Variants in HECW2 observed in about 807,000 individuals in gnomAD.
The protein encoded by HECW2 is HECT, C2 and WW domain containing E3 ubiquitin protein ligase 2, also known as E3 ubiquitin-protein ligase HECW2.
HECW2 carries 61 observed loss-of-function variants against 175.2 expected under a neutral mutation model. The ratio of observed to expected loss-of-function variants is 0.35; its 90% CI spans 0.28 to 0.43. HECW2 has a LOEUF of 0.43. Among genes scored for constraint, HECW2 ranks in the 20% least tolerant of loss-of-function variants. The probability of loss-of-function intolerance (pLI) is 1.00; values close to 1 mark genes in which losing one functional copy is unlikely to be tolerated. For synonymous variants in HECW2, 671 were observed against 731.0 expected (o/e 0.92, Z 1.32); for missense variants, 1,524 against 2,000.5 (o/e 0.76, Z 4.54).
At chr2:196,372,441 A>G (rs1693933563) in intron 2 of HECW2, among the ~76,000 whole-genome samples, 1 of 152,186 alleles carries the variant, frequency 6.6e-6, no homozygotes, top group Admixed American at 6.5e-5. Context: ...GGTCCCCTAC[A>G]GTTTCTACTT....
intron 1 of HECW2, among the ~76,000 whole-genome samples, chr2:196,554,243 G>A (rs1689714061): frequency 6.6e-6 from 1 of 151,932 alleles, no homozygotes; most frequent in Non-Finnish European, 1.5e-5. Context: ...GGAGAATGGC[G>A]TGAACCCGGA....
chr2:196,378,564 T>A (rs772452034), intron 2 of HECW2, among the ~76,000 whole-genome samples: 4 of 152,200 alleles, frequency 2.6e-5, no homozygotes, highest in Non-Finnish European at 4.4e-5. Flanking sequence ...AAAGTAAAAC[T>A]CATTAGTCAC....
At chr2:196,279,436 T>A (rs1276906685) in intron 14 of HECW2, among the ~76,000 whole-genome samples, 1 of 152,140 alleles carries the variant, frequency 6.6e-6, no homozygotes, top group Non-Finnish European at 1.5e-5. Context: ...CACTGTAGTG[T>A]CCTCTATTTG....
chr2:196,282,822 A>AC (rs551530957), intron 14 of HECW2, among the ~76,000 whole-genome samples: 43 of 151,830 alleles, frequency 2.8e-4, no homozygotes, highest in South Asian at 6.3e-4. Flanking sequence ...GGCATATCCA[A>AC]CCCCCCACTT....
At chr2:196,369,580 C>A (rs1693850572) in intron 2 of HECW2, among the ~76,000 whole-genome samples, 1 of 152,108 alleles carries the variant, frequency 6.6e-6, no homozygotes, top group Admixed American at 6.5e-5. Flanking sequence ...CATAACAAAG[C>A]TAGCCAAGCT....
chr2:196,380,231 G>C (rs1400279901), intron 2 of HECW2, among the ~76,000 whole-genome samples: 2 of 152,192 alleles, frequency 1.3e-5, no homozygotes, highest in Non-Finnish European at 2.9e-5. Flanking sequence ...TTGCTGATGG[G>C]CTGTGTGTGT....
intron 2 of HECW2, among the ~76,000 whole-genome samples, chr2:196,379,411 C>T (rs920841150): frequency 8.5e-5 from 13 of 152,150 alleles, no homozygotes; most frequent in Admixed American, 2.0e-4. Flanking sequence ...CTTGGCTGGG[C>T]GTGGTGGCTC....
intron 1 of HECW2, among the ~76,000 whole-genome samples, chr2:196,581,869 A>G (rs1690797517): frequency 6.6e-6 from 1 of 152,050 alleles, no homozygotes; most frequent in African/African-American, 2.4e-5. Context: ...GATTGAGACC[A>G]TCCTGGCTAA....
intron 2 of HECW2, among the ~76,000 whole-genome samples, chr2:196,380,125 G>A (rs1263765318): frequency 6.6e-6 from 1 of 152,168 alleles, no homozygotes; most frequent in Non-Finnish European, 1.5e-5. Flanking sequence ...GTTGTCCTGT[G>A]TGGCTATTTA....
intron 2 of HECW2, among the ~76,000 whole-genome samples, chr2:196,356,957 C>A (rs562470278): frequency 3.3e-5 from 5 of 152,264 alleles, no homozygotes; most frequent in African/African-American, 9.6e-5. Flanking sequence ...CAGAGTGAAC[C>A]CAGTCTTGCT....
chr2:196,398,055 G>A (rs1234332818), intron 2 of HECW2, among the ~76,000 whole-genome samples: 5 of 148,682 alleles, frequency 3.4e-5, no homozygotes, highest in Non-Finnish European at 4.5e-5. Flanking sequence ...AAGCAAAGGA[G>A]AAGGAAGGAC....
chr2:196,322,729 A>G (rs1691995666), intron 6 of HECW2, 109 bp from the exon 7 acceptor site: 2 of 914,472 alleles, frequency 2.2e-6, no homozygotes, highest in East Asian at 2.5e-5. Flanking sequence ...CAACATACAG[A>G]GTTCCACATA....
chr2:196,318,507 A>C, intron 9 of HECW2, 45 bp downstream of exon 9: 1 of 1,430,338 alleles, frequency 7.0e-7, no homozygotes, highest in Non-Finnish European at 9.2e-7. Flanking sequence ...TTCTCTCTGC[A>C]CAGCTACGCT....
intron 1 of HECW2, among the ~76,000 whole-genome samples, chr2:196,448,976 A>G (rs1303834589): frequency 1.3e-5 from 2 of 152,210 alleles, no homozygotes. Flanking sequence ...AAGTAAATCA[A>G]GCATGTGAAC....
At position 196,222,194 on chromosome 2, in the gene HECW2, T is replaced by C; in HGVS notation, c.4146+17A>G. On this transcript the variant is annotated intron_variant, in intron 24 of 28. Transcript: ENST00000644978. ...TCAGTTACCACACTTAGGCGCCAGG[T>C]GTGCAGATACACACACCTGCCCAAA... is the stretch of plus-strand genomic sequence containing the variant. 3 of 1,610,580 alleles carry C rather than the reference T, an allele frequency of 1.9e-6. No individual in the cohort carries two copies. Among genetic ancestry groups the C allele is most frequent in the Non-Finnish European group, 2.5e-6 (3 of 1,178,310 alleles).
intron 2 of HECW2, among the ~76,000 whole-genome samples, chr2:196,375,875 C>G (rs921399945): frequency 2.6e-5 from 4 of 152,206 alleles, no homozygotes; most frequent in African/African-American, 9.7e-5. Flanking sequence ...ATACATTTTT[C>G]CAAGGCTGAT....
intron 1 of HECW2, among the ~76,000 whole-genome samples, chr2:196,589,578 GA>G (rs1691110427): frequency 6.6e-6 from 1 of 152,174 alleles, no homozygotes; most frequent in South Asian, 2.1e-4. Context: ...AGGGAGTACA[GA>G]AAACAAAAGC....
intron 4 of HECW2, among the ~76,000 whole-genome samples, chr2:196,331,689 T>G (rs1196721238): frequency 3.3e-5 from 5 of 152,212 alleles, no homozygotes; most frequent in Non-Finnish European, 7.3e-5. Context: ...AAAGGCTTCC[T>G]GAAACAATTC....
At chr2:196,269,603 C>T (rs1222377500) in intron 17 of HECW2, 2 of 148,530 alleles carry the variant, frequency 1.3e-5, no homozygotes, top group African/African-American at 2.5e-5. Flanking sequence ...TTTTTACATT[C>T]AGTATGTGCA....
Sources: gnomAD v4.1 joint callset for allele counts (sites outside exome capture counted in the v4.1 genomes callset) on GRCh38, gnomAD v4.1.1 for gene constraint, MANE v1.5 for transcripts, NCBI Gene and HGNC (gene_info 2026-07-23, HGNC 2026-07-21) for gene names.